Variants in ALK observed in about 807,000 individuals in gnomAD.
ALK encodes ALK tyrosine kinase receptor.
A neutral mutation model predicts 163.1 loss-of-function variants in ALK; 74 were observed. The ratio of observed to expected loss-of-function variants is 0.45; its 90% CI spans 0.38 to 0.55. The LOEUF (loss-of-function observed/expected upper bound fraction) is 0.55. Among genes scored for constraint, ALK ranks in the 20% least tolerant of loss-of-function variants. ALK has a pLI of 0.00. For missense variants in ALK, 2,063 were observed against 2,105.3 expected, an observed-to-expected ratio of 0.98 and a Z score of 0.39; for synonymous variants, 960 against 843.2, an observed-to-expected ratio of 1.14 and a Z score of -2.40.
intron 24 of ALK, 135 bp downstream of exon 24, chr2:29,213,849 A>T: frequency 1.3e-6 from 1 of 768,826 alleles, no homozygotes; most frequent in Non-Finnish European, 2.3e-6. Flanking sequence ...AAGCTGAATC[A>T]TCCTACATCC....
At chr2:29,704,654 G>A (rs1288166756) in intron 2 of ALK, among the ~76,000 whole-genome samples, 3 of 151,984 alleles carry the variant, frequency 2.0e-5, no homozygotes, top group Non-Finnish European at 1.5e-5. Flanking sequence ...AAGCTTTTTG[G>A]GTTGTCTCCT....
At position 29,208,913 on chromosome 2, in the gene ALK, GA is replaced by G. The variant is rs113318152; in HGVS notation, c.3836+872del. Reference sequence around the variant, plus strand: ...TAAAGTAGTATTAGCTTTTAAAACTGAAAAAAAAAATAATTTTTAAAATGTA... The same window carrying G: ...TAAAGTAGTATTAGCTTTTAAAACTGAAAAAAAAATAATTTTTAAAATGTA... On this transcript the variant is annotated intron_variant, in intron 25 of 28. Transcript: ENST00000389048. 4.0e-3 allele frequency among the ~76,000 whole-genome samples: 593 copies of G among 146,860 alleles called. 12 individuals carry two copies. In the East Asian group the frequency reaches 0.058, roughly 14 times the overall value.
intron 4 of ALK, among the ~76,000 whole-genome samples, chr2:29,430,996 CT>C (rs1232933187): frequency 0.032 from 4,365 of 137,014 alleles, 99 homozygotes; most frequent in Middle Eastern, 0.099. Context: ...CAAGGCGAGG[CT>C]TTTTTTTTTT....
At chr2:29,412,541 A>T (rs1231725440) in intron 4 of ALK, among the ~76,000 whole-genome samples, 1 of 152,168 alleles carries the variant, frequency 6.6e-6, no homozygotes, top group East Asian at 1.9e-4. Flanking sequence ...CCATTTCCAG[A>T]ATAGGGAGGT....
At chr2:29,789,244 A>C (rs1664127486) in intron 1 of ALK, among the ~76,000 whole-genome samples, 1 of 152,154 alleles carries the variant, frequency 6.6e-6, no homozygotes, top group Non-Finnish European at 1.5e-5. Context: ...TTACAGAGCA[A>C]ATGCTGAGAA....
intron 4 of ALK, among the ~76,000 whole-genome samples, chr2:29,472,636 A>C (rs1671375217): frequency 6.6e-6 from 1 of 152,246 alleles, no homozygotes; most frequent in Non-Finnish European, 1.5e-5. Context: ...AAAAAAAATA[A>C]AATGATCAAC....
At chr2:29,637,572 G>T (rs1676573258) in intron 3 of ALK, among the ~76,000 whole-genome samples, 1 of 152,018 alleles carries the variant, frequency 6.6e-6, no homozygotes, top group Admixed American at 6.6e-5. Flanking sequence ...AGCCGGGCGT[G>T]GTGGTATAGG....
intron 1 of ALK, among the ~76,000 whole-genome samples, chr2:29,760,112 G>A (rs552173138): frequency 3.9e-5 from 6 of 152,100 alleles, no homozygotes; most frequent in Middle Eastern, 3.4e-3. Flanking sequence ...TTCTGCCCTC[G>A]CTTTCAGGCC....
chr2:29,508,159 C>T (rs1277929887), intron 4 of ALK, among the ~76,000 whole-genome samples: 2 of 152,042 alleles, frequency 1.3e-5, no homozygotes, highest in Non-Finnish European at 2.9e-5. Context: ...CGTCACTGAT[C>T]TGATGTTCAA....
chr2:29,487,702 T>C (rs898167094), intron 4 of ALK, among the ~76,000 whole-genome samples: 5 of 152,180 alleles, frequency 3.3e-5, no homozygotes, highest in African/African-American at 1.2e-4. Flanking sequence ...AGAAGACATT[T>C]ATTCAATGCC....
intron 3 of ALK, among the ~76,000 whole-genome samples, chr2:29,662,996 A>G (rs1677396244): frequency 6.6e-6 from 1 of 152,190 alleles, no homozygotes; most frequent in Admixed American, 6.5e-5. Context: ...TTGACAATAA[A>G]TCAGACTGAG....
intron 9 of ALK, among the ~76,000 whole-genome samples, chr2:29,284,606 C>T (rs776524493): frequency 3.3e-5 from 5 of 152,132 alleles, no homozygotes; most frequent in South Asian, 2.1e-4. Flanking sequence ...GCTCATGGGC[C>T]GGATCTGTCT....
intron 1 of ALK, among the ~76,000 whole-genome samples, chr2:29,880,752 T>A (rs1407105650): frequency 6.6e-6 from 1 of 152,214 alleles, no homozygotes; most frequent in African/African-American, 2.4e-5. Flanking sequence ...CCTGAAAAAT[T>A]GCTTCTTTAA....
intron 4 of ALK, among the ~76,000 whole-genome samples, chr2:29,386,887 TA>T (rs1285691915): frequency 6.6e-6 from 1 of 152,242 alleles, no homozygotes; most frequent in African/African-American, 2.4e-5. Flanking sequence ...AAAACAAATC[TA>T]AACTCTCTTC....
intron 3 of ALK, among the ~76,000 whole-genome samples, chr2:29,674,015 C>T (rs1450318925): frequency 7.8e-6 from 1 of 128,908 alleles, no homozygotes; most frequent in Non-Finnish European, 1.7e-5. Flanking sequence ...GATTTTTGTA[C>T]ATTGATTTTG....
rs1331318985 is a variant in ALK at position 29,920,531 on chromosome 2, T to C, written c.129A>G (p.Pro43=). 6 of 1,610,606 alleles carry C rather than the reference T, an allele frequency of 3.7e-6. No individual in the cohort carries two copies. The highest frequency in any genetic ancestry group is 1.1e-5 in the South Asian group (1 of 90,952). The change falls in exon 1 of 29, where the codon CCA becomes CCG. Residue 43 remains proline, a synonymous_variant. Transcript: ENST00000389048. ...AAGPPLQPRE[P]LSYSRLQRKS... is the part of the protein sequence containing the mutation. The stretch of plus-strand genomic sequence containing the variant: ...TCCTCTGCAGGCGCGAGTAGCTGAG[T>C]GGCTCCCGGGGCTGCAGCGGCGGCC...
chr2:29,881,846 T>C (rs12478928), intron 1 of ALK, among the ~76,000 whole-genome samples: 117,026 of 152,006 alleles, frequency 0.77, 45,157 homozygotes, highest in East Asian at 0.79. Context: ...TACTCCCCCA[T>C]TTTCCCTCAT....
At chr2:29,594,426 CTTTTTTTTTT>C (rs754184164) in intron 3 of ALK, among the ~76,000 whole-genome samples, 1 of 128,942 alleles carries the variant, frequency 7.8e-6, no homozygotes, top group Non-Finnish European at 1.6e-5. Flanking sequence ...GGTCTCCTCA[CTTTTTTTTTT>C]TTTTTTTTTT....
At chr2:29,700,157 C>T (rs1373659084) in intron 2 of ALK, among the ~76,000 whole-genome samples, 5 of 152,198 alleles carry the variant, frequency 3.3e-5, no homozygotes, top group East Asian at 1.9e-4. Flanking sequence ...TAAACAAGGA[C>T]TTGTTGTCAT....
Sources: gnomAD v4.1 joint callset for allele counts (sites outside exome capture counted in the v4.1 genomes callset) on GRCh38, gnomAD v4.1.1 for gene constraint, MANE v1.5 for transcripts, NCBI Gene and HGNC (gene_info 2026-07-23, HGNC 2026-07-21) for gene names.